NPAT: variants seen among roughly 807,000 people sequenced by gnomAD.
NPAT encodes the protein nuclear protein, coactivator of histone transcription.
A neutral mutation model predicts 130.7 loss-of-function variants in NPAT; 52 were observed. The observed-to-expected ratio is 0.40, with a 90% CI of 0.32 to 0.50. The LOEUF is 0.50. NPAT is among the 20% of genes least tolerant of loss of function. NPAT has a pLI of 0.68. For synonymous variants in NPAT, 580 were observed against 584.8 expected, an observed-to-expected ratio of 0.99 and a Z score of 0.12; for missense variants, 1,687 against 1,662.6, an observed-to-expected ratio of 1.01 and a Z score of -0.26.
At chr11:108,166,435 TA>T in intron 15 of NPAT, among the ~76,000 whole-genome samples, 1 of 152,262 alleles carries the variant, frequency 6.6e-6, no homozygotes, top group Admixed American at 6.5e-5. Flanking sequence ...CCTAATGTCA[TA>T]AAAATATTCT....
At chr11:108,199,243 T>C (rs2078252164) in intron 1 of NPAT, among the ~76,000 whole-genome samples, 2 of 152,324 alleles carry the variant, frequency 1.3e-5, no homozygotes, top group South Asian at 4.1e-4. Flanking sequence ...CGCTGCTGTG[T>C]CACCCTCACC....
chr11:108,191,120 T>C lies in NPAT; in HGVS notation c.291-620A>G, dbSNP rs1020796604. Reference sequence around the variant, plus strand: ...ACTTTAGAAACTCTACATATTAACATTTTTGAGTAAGAATATACAAAGTAT... The same window carrying C: ...ACTTTAGAAACTCTACATATTAACACTTTTGAGTAAGAATATACAAAGTAT... On this transcript the variant is annotated intron_variant, in intron 4 of 17. Transcript: ENST00000278612. 2.0e-5 allele frequency among the ~76,000 whole-genome samples: 3 copies of C among 152,158 alleles called. No individual in the cohort carries two copies. The East Asian group carries it at 5.8e-4, about 29-fold the overall frequency.
chr11:108,185,189 T>A, intron 10 of NPAT, 43 bp downstream of exon 10: 1 of 1,283,536 alleles, frequency 7.8e-7, no homozygotes, highest in Non-Finnish European at 1.1e-6. Context: ...ATCTTAAGTA[T>A]AAGTAACACA....
rs773071187 is a variant in NPAT at position 108,169,823 on chromosome 11, T to C, written c.2931A>G (p.Val977=). Residue 977 remains valine (V), a synonymous_variant, in exon 15 of 18, where the codon GTA becomes GTG. Coordinates refer to ENST00000278612, the MANE Select transcript of NPAT (RefSeq NM_002519.3). The part of the protein sequence containing the change: ...QVLHMPLTAP[V]CNRSIPQFPV... ...GGAATTGAGGGATACTTCTATTGCA[T>C]ACAGGTGCTGTCAAAGGCATATGAA... The C allele has an allele frequency of 8.7e-6, 14 of 1,613,934 alleles. No individual in the cohort carries two copies. The highest frequency in any genetic ancestry group is 3.3e-5 in the Admixed American group (2 of 60,004).
At chr11:108,208,462 C>T (rs1183469548) in intron 1 of NPAT, 3 of 455,710 alleles carry the variant, frequency 6.6e-6, no homozygotes, top group Admixed American at 4.7e-5. Context: ...GTGGTGTGCA[C>T]CTGTAGTTCC....
At chr11:108,206,052 C>CATAA (rs984730056) in intron 1 of NPAT, among the ~76,000 whole-genome samples, 5 of 152,084 alleles carry the variant, frequency 3.3e-5, no homozygotes, top group Non-Finnish European at 7.4e-5. Flanking sequence ...CTCAAAAATA[C>CATAA]ATAAATAAAT....
intron 3 of NPAT, among the ~76,000 whole-genome samples, chr11:108,193,742 A>C (rs764425251): frequency 2.4e-4 from 36 of 152,116 alleles, no homozygotes; most frequent in Non-Finnish European, 4.6e-4. Flanking sequence ...AACCAAAAAA[A>C]CAAAAAACAA....
At chr11:108,189,742 C>A (rs558927715) in intron 5 of NPAT, among the ~76,000 whole-genome samples, 1 of 151,056 alleles carries the variant, frequency 6.6e-6, no homozygotes, top group Non-Finnish European at 1.5e-5. Context: ...TGGTAGCGGG[C>A]GCCTGTAGTC....
At chr11:108,159,144 A>T in intron 17 of NPAT, 125 bp from the exon 18 acceptor site, 1 of 640,088 alleles carries the variant, frequency 1.6e-6, no homozygotes, top group East Asian at 2.9e-5. Flanking sequence ...TTTTTAGTCT[A>T]TTAGAATTTT....
At chr11:108,177,692 G>A (rs901515397) in intron 10 of NPAT, among the ~76,000 whole-genome samples, 2 of 148,998 alleles carry the variant, frequency 1.3e-5, no homozygotes, top group Non-Finnish European at 3.0e-5. Context: ...GTATATAAAT[G>A]GAAATAAAAT....
intron 10 of NPAT, among the ~76,000 whole-genome samples, chr11:108,181,607 A>T (rs1266005651): frequency 2.6e-5 from 4 of 152,198 alleles, no homozygotes; most frequent in Non-Finnish European, 5.9e-5. Flanking sequence ...TTAAAAAATA[A>T]ACACTCCCCT....
intron 1 of NPAT, among the ~76,000 whole-genome samples, chr11:108,222,000 G>C (rs1160636328): frequency 6.6e-6 from 1 of 152,188 alleles, no homozygotes; most frequent in Non-Finnish European, 1.5e-5. Context: ...GGAGGATGGA[G>C]AAGGAAGATC....
Position 108,161,676 on chromosome 11 carries a change from C to G in NPAT, c.3410G>C (p.Arg1137Pro), listed in dbSNP as rs771336958. 2 of 1,613,870 alleles carry G rather than the reference C, an allele frequency of 1.2e-6. No individual in the cohort carries two copies. The highest frequency in any genetic ancestry group is 1.7e-6 in the Non-Finnish European group (2 of 1,180,038). The change falls in exon 17 of 18, where the codon CGG becomes CCG. Residue 1137 changes from arginine to proline, a missense_variant. Arg to Pro is a moderately radical substitution (Grantham distance 103). This residue lies in a region of NPAT where 1,379 missense variants were observed against 1,346.6 expected (regional missense o/e 1.02). Coordinates refer to ENST00000278612, the MANE Select transcript of NPAT (RefSeq NM_002519.3). ...ILSKSESAIS[R>P]HTTIRETQSE... ...TTGAGTTTCTCTTATGGTGGTATGC[C>G]GGCTAATGGCACTTTCCGATTTAGA...
Position 108,157,724 on chromosome 11 carries a change from G to A in NPAT, c.*1218C>T, listed in dbSNP as rs566116234. The A allele has an allele frequency of 6.6e-6, 1 of 152,534 alleles. No individual in the cohort carries two copies. The highest frequency in any genetic ancestry group is 2.1e-4 in the South Asian group (1 of 4,828). 9.4% of individuals were successfully genotyped at this position (152,534 alleles called of 1,614,324 possible). A position where few individuals can be genotyped will look rare whatever the true frequency, so the allele number is the denominator to read the frequency against. ...ATTTAATTGAACGGAAAGTACTAAA[G>A]AGAACATACTTTAATATCTAGGCAC... On this transcript the variant is annotated 3_prime_UTR_variant, in exon 18 of 18. Coordinates refer to ENST00000278612, the MANE Select transcript of NPAT (RefSeq NM_002519.3).
chr11:108,216,597 C>G (rs1399033473), intron 1 of NPAT, among the ~76,000 whole-genome samples: 1 of 151,224 alleles, frequency 6.6e-6, no homozygotes, highest in Non-Finnish European at 1.5e-5. Flanking sequence ...AGACAGAATA[C>G]AGTGATACAC....
intron 7 of NPAT, among the ~76,000 whole-genome samples, chr11:108,187,892 A>G (rs1299038481): frequency 6.6e-6 from 1 of 152,214 alleles, no homozygotes; most frequent in Non-Finnish European, 1.5e-5. Context: ...CCCATGAAAC[A>G]GTGATATGCC....
chr11:108,218,368 AAG>A (rs1292991740), intron 1 of NPAT, among the ~76,000 whole-genome samples: 2 of 152,174 alleles, frequency 1.3e-5, no homozygotes, highest in African/African-American at 2.4e-5. Flanking sequence ...GAAAGATAAA[AAG>A]AGAGGTTTAA....
Position 108,161,060 on chromosome 11 carries a change from G to C in NPAT, c.4026C>G (p.Ala1342=), listed in dbSNP as rs1222792883. 1.2e-6 allele frequency: 2 copies of C among 1,614,086 alleles called. No individual in the cohort carries two copies. Among genetic ancestry groups the C allele is most frequent in the Non-Finnish European group, 1.7e-6 (2 of 1,180,018 alleles). The change falls in exon 17 of 18, where the codon GCC becomes GCG. Residue 1342 remains alanine (A), a synonymous_variant. Coordinates refer to ENST00000278612, the MANE Select transcript of NPAT (RefSeq NM_002519.3). ...GAGTTGCTGAAGTAGTCCTAGAAAT[G>C]GCTGCCCTGGAGAGAATCATTAATG... The part of the protein sequence containing the change: ...AHTLMILSRA[A]ISRTTSATPL...
At chr11:108,207,097 C>A (rs538832131) in intron 1 of NPAT, among the ~76,000 whole-genome samples, 2 of 152,282 alleles carry the variant, frequency 1.3e-5, no homozygotes, top group East Asian at 3.9e-4. Flanking sequence ...CTCCTTTCTG[C>A]AGGCAGGTTG....
Sources: gnomAD v4.1 joint callset for allele counts (sites outside exome capture counted in the v4.1 genomes callset) on GRCh38, gnomAD v4.1.1 for gene constraint, gnomAD v4.1.1 regional missense constraint, MANE v1.5 for transcripts, NCBI Gene and HGNC (gene_info 2026-07-23, HGNC 2026-07-21) for gene names.